Variants in CLVS1 observed in about 807,000 individuals in gnomAD.
CLVS1 encodes the protein clavesin-1.
Under a neutral mutation model 33.1 loss-of-function variants are expected in CLVS1, and 10 were observed. The observed-to-expected ratio is 0.30, with a 90% CI of 0.19 to 0.51. The LOEUF is 0.51. Ranked by LOEUF, CLVS1 falls within the 20% of genes least tolerant of loss-of-function variation. The pLI is 0.97. For synonymous variants in CLVS1, 163 were observed against 166.1 expected, an observed-to-expected ratio of 0.98 and a Z score of 0.14; for missense variants, 343 against 433.4, an observed-to-expected ratio of 0.79 and a Z score of 1.85.
intron 5 of CLVS1, among the ~76,000 whole-genome samples, chr8:61,473,606 G>A (rs940245317): frequency 6.6e-6 from 1 of 152,178 alleles, no homozygotes; most frequent in Admixed American, 6.5e-5. Flanking sequence ...GGCTGTATGA[G>A]ACTACAGTAA....
chr8:61,112,195 C>A (rs1490513827), intron 1 of CLVS1, among the ~76,000 whole-genome samples: 1 of 131,488 alleles, frequency 7.6e-6, no homozygotes, highest in African/African-American at 3.3e-5. Flanking sequence ...CACACACACA[C>A]ACACACACAC....
intron 2 of CLVS1, among the ~76,000 whole-genome samples, chr8:61,318,709 A>G (rs1298911936): frequency 6.6e-6 from 1 of 151,962 alleles, no homozygotes; most frequent in African/African-American, 2.4e-5. Flanking sequence ...TCTCCTCTTC[A>G]TTCTCTCCCA....
At chr8:61,149,135 G>T (rs1806473292) in intron 2 of CLVS1, among the ~76,000 whole-genome samples, 1 of 152,140 alleles carries the variant, frequency 6.6e-6, no homozygotes, top group African/African-American at 2.4e-5. Flanking sequence ...CAAGGGCCTT[G>T]TCTTTCTTGT....
chr8:60,971,188 C>T, the CLVS1 span, among the ~76,000 whole-genome samples: 1 of 151,424 alleles, frequency 6.6e-6, no homozygotes, highest in South Asian at 2.1e-4. Context: ...GTGATCCTCC[C>T]ACCTCAGCCT....
intron 5 of CLVS1, among the ~76,000 whole-genome samples, chr8:61,481,562 G>T (rs2129608212): frequency 6.6e-6 from 1 of 152,324 alleles, no homozygotes; most frequent in Non-Finnish European, 1.5e-5. Flanking sequence ...TCCATGCCTG[G>T]CTTGGAGGGT....
At chr8:61,104,494 A>G (rs141895859) in intron 1 of CLVS1, among the ~76,000 whole-genome samples, 1 of 152,340 alleles carries the variant, frequency 6.6e-6, no homozygotes, top group African/African-American at 2.4e-5. Flanking sequence ...CACCCAAGTT[A>G]TGAAAGATGT....
intron 2 of CLVS1, among the ~76,000 whole-genome samples, chr8:61,228,105 G>A (rs1179041048): frequency 6.6e-6 from 1 of 152,068 alleles, no homozygotes; most frequent in African/African-American, 2.4e-5. Flanking sequence ...TAGGTTTCCT[G>A]AATTTTTGGT....
chr8:60,990,833 C>T, the CLVS1 span, among the ~76,000 whole-genome samples: 5 of 151,840 alleles, frequency 3.3e-5, no homozygotes, highest in Non-Finnish European at 2.9e-5. Context: ...CTCAGCCTCC[C>T]GAATAGCTGG....
intron 2 of CLVS1, among the ~76,000 whole-genome samples, chr8:61,255,581 T>C (rs764313699): frequency 6.6e-6 from 1 of 152,190 alleles, no homozygotes; most frequent in Non-Finnish European, 1.5e-5. Flanking sequence ...ATCTCCTTTA[T>C]GAGCTTCTCA....
intron 2 of CLVS1, among the ~76,000 whole-genome samples, chr8:61,146,509 C>T (rs1034350367): frequency 6.6e-6 from 1 of 152,320 alleles, no homozygotes; most frequent in Admixed American, 6.5e-5. Flanking sequence ...CTGCAATGCC[C>T]TCTCATCAGA....
At chr8:61,458,186 T>G in intron 4 of CLVS1, 121 bp from the exon 5 acceptor site, 1 of 693,752 alleles carries the variant, frequency 1.4e-6, no homozygotes, top group Non-Finnish European at 2.5e-6. Flanking sequence ...CAATGCCTCT[T>G]TAAACACTGT....
intron 2 of CLVS1, among the ~76,000 whole-genome samples, chr8:61,246,267 T>G (rs1276285675): frequency 7.0e-6 from 1 of 142,128 alleles, no homozygotes; most frequent in Non-Finnish European, 1.5e-5. Flanking sequence ...CCTCCCAGGT[T>G]CAAGCGATTC....
chr8:61,086,637 T>G (rs1487485266), intron 1 of CLVS1, among the ~76,000 whole-genome samples: 1 of 152,170 alleles, frequency 6.6e-6, no homozygotes, highest in Non-Finnish European at 1.5e-5. Flanking sequence ...TGAAAAACAT[T>G]ACCCAAATAT....
chr8:61,052,145 G>A, the CLVS1 span, among the ~76,000 whole-genome samples: 31 of 152,208 alleles, frequency 2.0e-4, 1 homozygote, highest in African/African-American at 4.8e-4. Context: ...AAGCCACTCC[G>A]TTTAATTCAT....
intron 2 of CLVS1, among the ~76,000 whole-genome samples, chr8:61,375,247 ATTTTTTT>A (rs34479292): frequency 7.5e-6 from 1 of 133,426 alleles, no homozygotes; most frequent in African/African-American, 2.7e-5. Flanking sequence ...AGTGGCTTGC[ATTTTTTT>A]TTTTTTTTTT....
intron 2 of CLVS1, among the ~76,000 whole-genome samples, chr8:61,207,791 G>A (rs1219092115): frequency 6.6e-6 from 1 of 152,130 alleles, no homozygotes; most frequent in African/African-American, 2.4e-5. Context: ...CTCGGGGAAA[G>A]GTTTAATTTT....
chr8:61,032,184 C>T, the CLVS1 span, among the ~76,000 whole-genome samples: 1 of 152,170 alleles, frequency 6.6e-6, no homozygotes, highest in Admixed American at 6.5e-5. Flanking sequence ...GAAAGAGCTG[C>T]TTCTATCCTG....
chr8:61,365,718 CAT>C (rs1813177578), intron 2 of CLVS1, among the ~76,000 whole-genome samples: 1 of 151,424 alleles, frequency 6.6e-6, no homozygotes, highest in South Asian at 2.1e-4. Flanking sequence ...TCTCCGAAGT[CAT>C]ATGTTTGTGA....
At chr8:61,339,521 C>G (rs1444702278) in intron 2 of CLVS1, among the ~76,000 whole-genome samples, 1 of 152,168 alleles carries the variant, frequency 6.6e-6, no homozygotes, top group Non-Finnish European at 1.5e-5. Context: ...TTGAAGGTCA[C>G]CCATGTCCCT....
Sources: allele counts gnomAD v4.1 joint callset (sites outside exome capture counted in the v4.1 genomes callset), GRCh38; gene constraint gnomAD v4.1.1; transcripts MANE v1.5; gene names NCBI Gene and HGNC (gene_info 2026-07-23, HGNC 2026-07-21).